The following TRMT61B variants were observed in gnomAD, a reference collection of about 807,000 sequenced individuals.
TRMT61B encodes the protein tRNA methyltransferase 61B.
TRMT61B carries 56 observed loss-of-function variants against 52.0 expected under a neutral mutation model. That is an observed-to-expected ratio of 1.08 (90% CI 0.87 to 1.35). The LOEUF is 1.35. TRMT61B is among the 40% of genes most tolerant of loss of function. The pLI is 0.00. For missense variants in TRMT61B, 650 were observed against 577.9 expected (o/e 1.12, Z -1.28); for synonymous variants, 206 against 220.0 (o/e 0.94, Z 0.56).
chr2:28,863,211 T>C (rs543869740), intron 2 of TRMT61B, among the ~76,000 whole-genome samples: 22 of 152,152 alleles, frequency 1.4e-4, no homozygotes, highest in African/African-American at 4.1e-4. Flanking sequence ...TTAGGCAAGA[T>C]TGCTTGAGGC....
chr2:28,858,943 G>C (rs886230655), intron 3 of TRMT61B, among the ~76,000 whole-genome samples: 1 of 151,448 alleles, frequency 6.6e-6, no homozygotes, highest in African/African-American at 2.4e-5. Flanking sequence ...TCCCAGGCTG[G>C]AGTGCAGTGG....
rs776450792 is a variant in TRMT61B at position 28,870,112 on chromosome 2, C to T, written c.166G>A (p.Ala56Thr). Residue 56 changes from alanine (A) to threonine (T), a missense_variant, in exon 1 of 7, where the codon GCG (alanine) becomes ACG (threonine). Ala to Thr is a moderately conservative substitution (Grantham distance 58). Coordinates refer to ENST00000306108, the MANE Select transcript of TRMT61B (RefSeq NM_017910.4). ...DLRDGEREHE[A>T]AQRKAPGAES... ...GCTCCTGGGGCTTTCCTTTGTGCCG[C>T]CTCGTGCTCTCTTTCTCCATCTCGC... The T allele has an allele frequency of 6.2e-7, 1 of 1,614,080 alleles. No homozygotes were observed. Among genetic ancestry groups the T allele is most frequent in the Admixed American group, 1.7e-5 (1 of 60,010 alleles).
chr2:28,856,401 C>T (rs933354842), intron 3 of TRMT61B, among the ~76,000 whole-genome samples: 1 of 152,142 alleles, frequency 6.6e-6, no homozygotes, highest in Admixed American at 6.5e-5. Flanking sequence ...TCCCAGCCTC[C>T]ATTCTTTCTC....
chr2:28,866,003 T>C lies in TRMT61B; in HGVS notation c.700-884A>G, dbSNP rs191960507. ...GCTCAAAATGATGAACTTCTTATTT[T>C]TGGGGGGACAGAGTCTCGCTCTGTC... On this transcript the variant is annotated intron_variant, in intron 1 of 6. Transcript: ENST00000306108. Among the ~76,000 whole-genome samples, 202 of 145,188 alleles carry C rather than the reference T, an allele frequency of 1.4e-3. 1 individual carries two copies. The highest frequency in any genetic ancestry group is 2.4e-3 in the Non-Finnish European group (159 of 66,580).
intron 3 of TRMT61B, among the ~76,000 whole-genome samples, chr2:28,858,710 G>A (rs528700327): frequency 1.4e-5 from 2 of 142,486 alleles, no homozygotes; most frequent in African/African-American, 2.6e-5. Flanking sequence ...CACGAGAATC[G>A]CTTGAACCCG....
At chr2:28,857,410 C>T (rs1328338522) in intron 3 of TRMT61B, among the ~76,000 whole-genome samples, 2 of 152,050 alleles carry the variant, frequency 1.3e-5, no homozygotes, top group African/African-American at 4.8e-5. Flanking sequence ...GGTAATAATC[C>T]TCTGGCTAGA....
At chr2:28,862,143 T>C (rs569314634) in intron 2 of TRMT61B, among the ~76,000 whole-genome samples, 11 of 145,262 alleles carry the variant, frequency 7.6e-5, no homozygotes, top group Non-Finnish European at 1.5e-4. Flanking sequence ...GAGGCAGAGA[T>C]TGCAGTGAGC....
chr2:28,862,578 C>T (rs899100405), intron 2 of TRMT61B, among the ~76,000 whole-genome samples: 1 of 151,520 alleles, frequency 6.6e-6, no homozygotes, highest in African/African-American at 2.4e-5. Context: ...AGCAATCTGC[C>T]TGCCTCGGCC....
In TRMT61B at chr2:28,869,853, G is replaced by C; in HGVS notation, c.425C>G (p.Ser142Cys). 3 of 1,611,264 alleles carry C rather than the reference G, an allele frequency of 1.9e-6. No homozygotes were observed. Among genetic ancestry groups the C allele is most frequent in the Non-Finnish European group, 2.5e-6 (3 of 1,179,764 alleles). The change falls in exon 1 of 7, where the codon TCT becomes TGT. Residue 142 changes from serine to cysteine, a missense_variant. Transcript: ENST00000306108. ...TEVEERHVSP[S>C]CSTSRERPFQ... ...GGGTCTCTCTCTGGAAGTTGAACAA[G>C]AAGGGGAGACGTGACGCTCTTCGAC...
intron 4 of TRMT61B, 76 bp downstream of exon 4, chr2:28,852,332 A>G (rs1026207705): frequency 1.5e-6 from 1 of 667,526 alleles, no homozygotes; most frequent in Non-Finnish European, 2.6e-6. Context: ...AAAAAAAAAA[A>G]AAAAATTTAG....
rs148004312 is a variant in TRMT61B at position 28,864,416 on chromosome 2, C to T, written c.802+601G>A. Among the ~76,000 whole-genome samples the T allele has an allele frequency of 1.3e-3, 204 of 152,252 alleles. 1 individual carries two copies. Among genetic ancestry groups the T allele is most frequent in the Non-Finnish European group, 2.4e-3 (160 of 68,008 alleles). On this transcript the variant is annotated intron_variant, in intron 2 of 6. Coordinates refer to ENST00000306108, the MANE Select transcript of TRMT61B (RefSeq NM_017910.4). ...GATTTAAATAGAGAGTATTATACAG[C>T]AACTAAAATGAAAGAACTACTGCTG...
chr2:28,851,264 G>T lies in TRMT61B; in HGVS notation c.1120C>A (p.Arg374Ser), dbSNP rs781061232. 2 of 1,612,956 alleles carry T rather than the reference G, an allele frequency of 1.2e-6. No individual in the cohort carries two copies. The highest frequency in any genetic ancestry group is 1.7e-6 in the Non-Finnish European group (2 of 1,179,640). The change falls in exon 5 of 7, where the codon CGC becomes AGC. Residue 374 changes from arginine to serine, a missense_variant. By Grantham distance (110) the Arg-to-Ser change is moderately radical. Coordinates refer to ENST00000306108, the MANE Select transcript of TRMT61B (RefSeq NM_017910.4). ...CATGAAAGAGCAAGTTCACAGGTGCGAATTCCATCTAAAAGTTCAATAACC... is the reference window on the plus strand; with the variant it reads ...CATGAAAGAGCAAGTTCACAGGTGCTAATTCCATCTAAAAGTTCAATAACC... ...TQVIELLDGIRTCELALSCEK... is the reference protein window; with the variant it reads ...TQVIELLDGISTCELALSCEK...
intron 1 of TRMT61B, among the ~76,000 whole-genome samples, chr2:28,866,334 C>T (rs776271452): frequency 1.3e-5 from 2 of 152,162 alleles, no homozygotes; most frequent in African/African-American, 4.8e-5. Flanking sequence ...TATATAACAG[C>T]GGTCCCCAAC....
At chr2:28,860,474 A>G (rs1669556411) in intron 3 of TRMT61B, among the ~76,000 whole-genome samples, 1 of 151,330 alleles carries the variant, frequency 6.6e-6, no homozygotes, top group African/African-American at 2.4e-5. Context: ...CTCTTCAGCC[A>G]GCAAATACTT....
At chr2:28,859,699 C>T (rs1331506799) in intron 3 of TRMT61B, among the ~76,000 whole-genome samples, 1 of 151,962 alleles carries the variant, frequency 6.6e-6, no homozygotes, top group Non-Finnish European at 1.5e-5. Flanking sequence ...CTTTTTAGAT[C>T]AGGAATGGTT....
chr2:28,860,751 T>C (rs970375085), intron 3 of TRMT61B, among the ~76,000 whole-genome samples: 1 of 152,206 alleles, frequency 6.6e-6, no homozygotes, highest in African/African-American at 2.4e-5. Flanking sequence ...AAATGGAAGC[T>C]ACTTATTCCC....
At chr2:28,854,755 AAAAAAAAAAAAAAAAAC>A (rs2148125250) in intron 3 of TRMT61B, among the ~76,000 whole-genome samples, 1 of 54,504 alleles carries the variant, frequency 1.8e-5, no homozygotes, top group Admixed American at 1.5e-4. Context: ...AAAAAAAAAA[AAAAAAAAAAAAAAAAAC>A]TGCCAGGCGT....
At chr2:28,868,862 G>A (rs564922668) in intron 1 of TRMT61B, among the ~76,000 whole-genome samples, 7 of 152,284 alleles carry the variant, frequency 4.6e-5, no homozygotes, top group African/African-American at 1.7e-4. Flanking sequence ...AAATTAGCCC[G>A]GGGTGGTGGT....
rs766894327 is a variant in TRMT61B at position 28,870,082 on chromosome 2, ACT to A, written c.194_195del (p.Glu65ValfsTer95). 1.6e-5 allele frequency: 26 copies of A among 1,613,744 alleles called. No homozygotes were observed. Among genetic ancestry groups the A allele is most frequent in the East Asian group, 2.2e-5 (1 of 44,866 alleles). On this transcript the variant is annotated frameshift_variant, in exon 1 of 7. Transcript: ENST00000306108. LOFTEE classifies it high-confidence loss of function. ...ATGCTCAGAGGGAGAGATGGGCAAG[ACT>A]CTGCTCCTGGGGCTTTCCTTTGTGC... Reference protein sequence around the residue: ...EAAQRKAPGAESCPSLPLSIS... With the variant: ...EAAQRKAPGAXSCPSLPLSIS...
Sources: allele counts gnomAD v4.1 joint callset (sites outside exome capture counted in the v4.1 genomes callset), GRCh38; gene constraint gnomAD v4.1.1; transcripts MANE v1.5; gene names NCBI Gene and HGNC (gene_info 2026-07-23, HGNC 2026-07-21).